Variants in SNX4 observed in about 807,000 individuals in gnomAD.
SNX4 encodes sorting nexin 4.
In SNX4, 49 loss-of-function variants were observed where a neutral mutation model predicts 70.8. That is an observed-to-expected ratio of 0.69 (90% CI 0.55 to 0.88). The LOEUF is 0.88. Ranked by LOEUF, SNX4 falls within the 40% of genes least tolerant of loss-of-function variation. The pLI is 0.00. For synonymous variants in SNX4, 206 were observed against 183.8 expected, an observed-to-expected ratio of 1.12 and a Z score of -0.98; for missense variants, 528 against 544.8, an observed-to-expected ratio of 0.97 and a Z score of 0.31.
At chr3:125,456,261 GT>G (rs1218817674) in intron 11 of SNX4, among the ~76,000 whole-genome samples, 1 of 152,192 alleles carries the variant, frequency 6.6e-6, no homozygotes. Flanking sequence ...AGATGCACTG[GT>G]TCTAAGTGGG....
At chr3:125,494,010 C>T (rs923364773) in intron 5 of SNX4, among the ~76,000 whole-genome samples, 12 of 147,924 alleles carry the variant, frequency 8.1e-5, no homozygotes, top group Admixed American at 4.1e-4. Context: ...GCACTCCAGC[C>T]GGGGCGACAG....
At chr3:125,486,849 C>A (rs972042710) in intron 6 of SNX4, among the ~76,000 whole-genome samples, 7 of 152,082 alleles carry the variant, frequency 4.6e-5, no homozygotes, top group African/African-American at 1.7e-4. Context: ...CCAGCAGTTC[C>A]AGACCAGCCT....
chr3:125,515,806 G>A (rs948259085), intron 1 of SNX4, among the ~76,000 whole-genome samples: 9 of 152,052 alleles, frequency 5.9e-5, no homozygotes, highest in African/African-American at 2.2e-4. Context: ...CTGGTGCTTT[G>A]GGAGGTGAAA....
At position 125,456,951 on chromosome 3, in the gene SNX4, G is replaced by A. The variant is rs563421391; in HGVS notation, c.1044+315C>T. On this transcript the variant is annotated intron_variant, in intron 11 of 13. Coordinates refer to ENST00000251775, the MANE Select transcript of SNX4 (RefSeq NM_003794.4). Reference sequence around the variant, plus strand: ...GCTGGGATTACAGGTGTGAGCCACCGTGCCCAGCCCAATAATTTTTTTTTT... The same window carrying A: ...GCTGGGATTACAGGTGTGAGCCACCATGCCCAGCCCAATAATTTTTTTTTT... 9.6e-5 allele frequency among the ~76,000 whole-genome samples: 14 copies of A among 146,294 alleles called. No homozygotes were observed. The East Asian group carries it at 2.0e-3, about 21-fold the overall frequency.
chr3:125,494,169 T>C lies in SNX4; in HGVS notation c.597+3172A>G, dbSNP rs1359278825. Among the ~76,000 whole-genome samples, 7 of 152,268 alleles carry C rather than the reference T, an allele frequency of 4.6e-5. No individual in the cohort carries two copies. In the East Asian group the frequency reaches 1.2e-3, roughly 25 times the overall value. On this transcript the variant is annotated intron_variant, in intron 5 of 13. Coordinates refer to ENST00000251775, the MANE Select transcript of SNX4 (RefSeq NM_003794.4). ...ATCCAAGAGCCAAGGTCAAATATTC[T>C]TATAAGATATGACTATTTGGTCTCA...
intron 1 of SNX4, among the ~76,000 whole-genome samples, chr3:125,517,750 C>T (rs1383784875): frequency 2.0e-5 from 3 of 151,754 alleles, no homozygotes; most frequent in Non-Finnish European, 2.9e-5. Context: ...CTGAGGCAGG[C>T]GGATCGCCTG....
intron 8 of SNX4, among the ~76,000 whole-genome samples, chr3:125,476,064 A>C (rs1351436062): frequency 6.6e-6 from 1 of 151,648 alleles, no homozygotes; most frequent in Non-Finnish European, 1.5e-5. Context: ...TCAGGAGTTC[A>C]AGACCAGCCT....
Position 125,447,359 on chromosome 3 carries a change from C to T in SNX4, c.*420G>A, listed in dbSNP as rs1380279578. ...TCAACTATAAGGCAAGAGAAAACAACTCCCTATAACAGATTAGTGGATCTT... is the reference window on the plus strand; with the variant it reads ...TCAACTATAAGGCAAGAGAAAACAATTCCCTATAACAGATTAGTGGATCTT... On this transcript the variant is annotated 3_prime_UTR_variant, in exon 14 of 14. Transcript: ENST00000251775. 4 of 153,624 alleles carry T rather than the reference C, an allele frequency of 2.6e-5. No homozygotes were observed. Among genetic ancestry groups the T allele is most frequent in the African/African-American group, 4.8e-5 (2 of 41,484 alleles). The allele number at this position is 153,624 out of a possible 1,614,324, so 9.5% of individuals were successfully genotyped here.
intron 1 of SNX4, chr3:125,516,876 T>A (rs1393945509): frequency 6.6e-6 from 1 of 152,154 alleles, no homozygotes; most frequent in Admixed American, 6.6e-5. Context: ...GCAAGCTGTT[T>A]TTTCATCTCT....
chr3:125,497,848 GAT>G lies in SNX4; in HGVS notation c.533_534del (p.Tyr178SerfsTer8), dbSNP rs756610218. ...AAGAAAAATACCTGTGTTAAAAACAGATAGAAGATTTTGTCTCTACAAAGGAT... is the reference window on the plus strand; with the variant it reads ...AAGAAAAATACCTGTGTTAAAAACAGAGAAGATTTTGTCTCTACAAAGGAT... ...HPILCRDKIF[Y>X]LFLTQEGNWK... On this transcript the variant is annotated frameshift_variant, in exon 4 of 14. Coordinates refer to ENST00000251775, the MANE Select transcript of SNX4 (RefSeq NM_003794.4). LOFTEE classifies it high-confidence loss of function. The G allele has an allele frequency of 1.2e-6, 2 of 1,604,528 alleles. No individual in the cohort carries two copies. The highest frequency in any genetic ancestry group is 1.7e-6 in the Non-Finnish European group (2 of 1,177,248).
At chr3:125,486,944 A>G (rs1934546378) in intron 6 of SNX4, among the ~76,000 whole-genome samples, 1 of 152,170 alleles carries the variant, frequency 6.6e-6, no homozygotes, top group East Asian at 1.9e-4. Context: ...AATATGCAAA[A>G]GAAAGCATTT....
At chr3:125,507,888 G>A (rs1580009165) in intron 1 of SNX4, among the ~76,000 whole-genome samples, 1 of 152,030 alleles carries the variant, frequency 6.6e-6, no homozygotes, top group African/African-American at 2.4e-5. Context: ...ACTTCAGTCT[G>A]GGCAACAGTC....
At chr3:125,467,349 G>A (rs769121708) in intron 9 of SNX4, among the ~76,000 whole-genome samples, 3 of 150,006 alleles carry the variant, frequency 2.0e-5, no homozygotes, top group South Asian at 2.1e-4. Flanking sequence ...ATTGCGCCAC[G>A]GCACTCCAGC....
At chr3:125,459,356 A>G (rs1337046129) in intron 10 of SNX4, among the ~76,000 whole-genome samples, 1 of 152,136 alleles carries the variant, frequency 6.6e-6, no homozygotes, top group Non-Finnish European at 1.5e-5. Context: ...TCAAATGGCT[A>G]TACACCCTGG....
chr3:125,448,714 C>T (rs1221563602), intron 13 of SNX4, among the ~76,000 whole-genome samples: 4 of 118,836 alleles, frequency 3.4e-5, no homozygotes, highest in African/African-American at 1.4e-4. Context: ...CTTGCTCTGT[C>T]GCCCAGGCTG....
chr3:125,447,493 T>A lies in SNX4; in HGVS notation c.*286A>T, dbSNP rs1190721146. ...TAGAAATTAACGAACATCTTGACAT[T>A]CAGTCATTGGTTCAGAAGCGTGACA... On this transcript the variant is annotated 3_prime_UTR_variant, in exon 14 of 14. Transcript: ENST00000251775. 3.9e-6 allele frequency: 1 copy of A among 255,386 alleles called. No individual in the cohort carries two copies. The highest frequency in any genetic ancestry group is 7.3e-6 in the Non-Finnish European group (1 of 137,136). 15.8% of individuals were successfully genotyped at this position (255,386 alleles called of 1,614,324 possible).
intron 10 of SNX4, among the ~76,000 whole-genome samples, chr3:125,458,170 ATTTTT>A (rs397875260): frequency 4.1e-5 from 5 of 122,714 alleles, no homozygotes; most frequent in Non-Finnish European, 5.1e-5. Context: ...TCTATTAGGT[ATTTTT>A]TTTTTTTTTT....
chr3:125,468,377 C>T (rs919795367), intron 9 of SNX4, among the ~76,000 whole-genome samples: 1 of 152,070 alleles, frequency 6.6e-6, no homozygotes, highest in Non-Finnish European at 1.5e-5. Context: ...AACCCCTGAA[C>T]CTATAATAGA....
At chr3:125,516,211 G>T (rs1935274621) in intron 1 of SNX4, among the ~76,000 whole-genome samples, 1 of 152,020 alleles carries the variant, frequency 6.6e-6, no homozygotes, top group Non-Finnish European at 1.5e-5. Flanking sequence ...TTTTTCTCTG[G>T]CAAATACCTG....
Sources: gnomAD v4.1 joint callset for allele counts (sites outside exome capture counted in the v4.1 genomes callset) on GRCh38, gnomAD v4.1.1 for gene constraint, MANE v1.5 for transcripts, NCBI Gene and HGNC (gene_info 2026-07-23, HGNC 2026-07-21) for gene names.